The following ZNF676 variants were observed in gnomAD, a reference collection of about 807,000 sequenced individuals.
ZNF676 encodes the protein zinc finger protein 676.
ZNF676 carries 4 observed loss-of-function variants against 6.0 expected under a neutral mutation model. That is an observed-to-expected ratio of 0.67 (90% CI 0.33 to 1.53). The LOEUF (loss-of-function observed/expected upper bound fraction) is 1.53, where lower values mean the gene tolerates loss of function less well. Among genes scored for constraint, ZNF676 ranks in the 40% most tolerant of loss-of-function variants. The pLI is 0.06. For synonymous variants in ZNF676, 198 were observed against 223.1 expected (o/e 0.89, Z 1.00); for missense variants, 644 against 679.7 (o/e 0.95, Z 0.58).
chr19:22,215,899 T>G (rs969546514), upstream of ZNF676, among the ~76,000 whole-genome samples: 2 of 151,852 alleles, frequency 1.3e-5, no homozygotes, highest in Non-Finnish European at 2.9e-5. Context: ...TGACAGAAGA[T>G]GTGATCAGAT....
At chr19:22,229,440 G>A in the ZNF676 span, among the ~76,000 whole-genome samples, 1 of 152,140 alleles carries the variant, frequency 6.6e-6, no homozygotes, top group Admixed American at 6.5e-5. Context: ...ACATAGGCAT[G>A]GGCAAAGACT....
At chr19:22,211,596 AATC>A (rs1455337722) in intron 1 of ZNF676, among the ~76,000 whole-genome samples, 3 of 152,162 alleles carry the variant, frequency 2.0e-5, no homozygotes, top group Non-Finnish European at 4.4e-5. Context: ...TTGTATTAAA[AATC>A]ATGAGGTAAA....
At position 22,193,668 on chromosome 19, in the gene ZNF676, C is replaced by G. The variant is rs576459786; in HGVS notation, c.35-557G>C. 7.2e-5 allele frequency among the ~76,000 whole-genome samples: 11 copies of G among 152,164 alleles called. No homozygotes were observed. In the South Asian group the frequency reaches 1.9e-3, roughly 26 times the overall value. On this transcript the variant is annotated intron_variant, in intron 1 of 2. Transcript: ENST00000397121. ...AGAGGAGAATTGGCCTCTGCTACCCCCTCCAATAACAGAAGTAGAAACTCC... is the reference window on the plus strand; with the variant it reads ...AGAGGAGAATTGGCCTCTGCTACCCGCTCCAATAACAGAAGTAGAAACTCC...
At chr19:22,247,155 G>A in the ZNF676 span, among the ~76,000 whole-genome samples, 11 of 152,268 alleles carry the variant, frequency 7.2e-5, no homozygotes, top group Non-Finnish European at 1.5e-4. Flanking sequence ...AAATGGGATT[G>A]GGTTAGAGGC....
In ZNF676 at chr19:22,180,748, G is replaced by T. The variant is rs775011020; in HGVS notation, c.969C>A (p.Ser323Arg). Residue 323 changes from serine to arginine, a missense_variant, in exon 3 of 3, where the codon AGC becomes AGA. Physicochemically the swap from Ser to Arg is moderately radical, Grantham distance 110 (BLOSUM62 -1). Transcript: ENST00000397121. Reference protein sequence around the residue: ...ECGKAFSWSSSLTEHKRIHAG... With the variant: ...ECGKAFSWSSRLTEHKRIHAG... ...CATGAATTCTCTTGTGTTCAGTAAG[G>T]CTTGAGGACCAGCTGAAGGCTTTGC... is the stretch of plus-strand genomic sequence containing the variant. The T allele has an allele frequency of 6.2e-7, 1 of 1,613,016 alleles. No homozygotes were observed. Among genetic ancestry groups the T allele is most frequent in the Non-Finnish European group, 8.5e-7 (1 of 1,179,468 alleles).
the ZNF676 span, among the ~76,000 whole-genome samples, chr19:22,260,093 G>C: frequency 3.4e-4 from 52 of 152,108 alleles, no homozygotes; most frequent in Admixed American, 3.3e-4. Flanking sequence ...CACATGGCAG[G>C]GTGTCCACAG....
At chr19:22,258,786 C>T in the ZNF676 span, among the ~76,000 whole-genome samples, 1 of 152,126 alleles carries the variant, frequency 6.6e-6, no homozygotes, top group Non-Finnish European at 1.5e-5. Context: ...GTCCTGAGTT[C>T]AGCGATGTGT....
At chr19:22,193,578 G>A (rs2023936575) in intron 1 of ZNF676, among the ~76,000 whole-genome samples, 1 of 151,984 alleles carries the variant, frequency 6.6e-6, no homozygotes, top group Admixed American at 6.6e-5. Context: ...TCCTCCAACA[G>A]CGCCTATTGA....
At chr19:22,182,585 T>TTAAAAAAAA (rs376894161) in intron 2 of ZNF676, among the ~76,000 whole-genome samples, 2 of 45,066 alleles carry the variant, frequency 4.4e-5, no homozygotes, top group African/African-American at 2.1e-4. Flanking sequence ...GTCAAAGTTC[T>TTAAAAAAAA]AAAAAAAAAA....
At chr19:22,187,974 A>T in intron 2 of ZNF676, among the ~76,000 whole-genome samples, 1 of 152,052 alleles carries the variant, frequency 6.6e-6, no homozygotes. Context: ...ACTATTCCCA[A>T]CAATAGAAAA....
At chr19:22,190,454 C>G (rs921051845) in intron 2 of ZNF676, among the ~76,000 whole-genome samples, 1 of 151,226 alleles carries the variant, frequency 6.6e-6, no homozygotes, top group African/African-American at 2.4e-5. Context: ...AACAGCAACC[C>G]TAAAAGTATA....
intron 1 of ZNF676, among the ~76,000 whole-genome samples, chr19:22,210,668 GCT>G (rs1230955967): frequency 1.3e-5 from 2 of 152,226 alleles, no homozygotes; most frequent in African/African-American, 2.4e-5. Context: ...CTTAGATGGT[GCT>G]CTCTTTTCTT....
At position 22,209,479 on chromosome 19, in the gene ZNF676, A is replaced by G. The variant is rs549228473; in HGVS notation, c.3+6153T>C. Among the ~76,000 whole-genome samples the G allele has an allele frequency of 6.2e-4, 94 of 152,244 alleles. 3 individuals are homozygous for G. In the South Asian group the frequency reaches 0.019, roughly 31 times the overall value. On this transcript the variant is annotated intron_variant, in intron 1 of 3. Coordinates refer to the ZNF676 transcript ENST00000650058. ...AGAACACATGAACACAGAGGGGAAAAAAGACACTGAGGCCTAGTTGAGGGT... is the reference window on the plus strand; with the variant it reads ...AGAACACATGAACACAGAGGGGAAAGAAGACACTGAGGCCTAGTTGAGGGT...
the ZNF676 span, among the ~76,000 whole-genome samples, chr19:22,235,117 AAGGC>A: frequency 1.8e-3 from 173 of 96,306 alleles, 4 homozygotes; most frequent in Non-Finnish European, 5.2e-4. Context: ...GGAAGGCAGG[AAGGC>A]AGGAAGGAAG....
chr19:22,242,294 T>A, the ZNF676 span, among the ~76,000 whole-genome samples: 2 of 151,816 alleles, frequency 1.3e-5, no homozygotes, highest in Non-Finnish European at 2.9e-5. Context: ...AAAAGAAACA[T>A]CACCTTAGTG....
intron 1 of ZNF676, among the ~76,000 whole-genome samples, chr19:22,212,241 CT>C (rs1458297635): frequency 6.6e-6 from 1 of 150,888 alleles, no homozygotes; most frequent in African/African-American, 2.4e-5. Context: ...AAAACCACAC[CT>C]GAGAAAACTC....
At chr19:22,233,592 C>T in the ZNF676 span, among the ~76,000 whole-genome samples, 34 of 152,186 alleles carry the variant, frequency 2.2e-4, 1 homozygote, top group Admixed American at 2.2e-3. Flanking sequence ...AATCTTTCTT[C>T]TTAATAGTCT....
intron 2 of ZNF676, among the ~76,000 whole-genome samples, chr19:22,190,643 A>ATGTTGCATTCTATTTTAT (rs1431018707): frequency 2.7e-4 from 21 of 77,844 alleles, no homozygotes; most frequent in East Asian, 4.7e-4. Flanking sequence ...ATATATATAT[A>ATGTTGCATTCTATTTTAT]TATATATATA....
the ZNF676 span, among the ~76,000 whole-genome samples, chr19:22,224,702 C>T: frequency 1.3e-5 from 2 of 152,080 alleles, no homozygotes; most frequent in Admixed American, 6.6e-5. Flanking sequence ...TTTAAGTGTA[C>T]ATTTTATGGC....
Sources: gnomAD v4.1 joint callset for allele counts (sites outside exome capture counted in the v4.1 genomes callset) on GRCh38, gnomAD v4.1.1 for gene constraint, MANE v1.5 for transcripts, NCBI Gene and HGNC (gene_info 2026-07-23, HGNC 2026-07-21) for gene names.